The following CRISPLD2 variants were observed in gnomAD, a reference collection of about 807,000 sequenced individuals.
CRISPLD2 encodes cysteine-rich secretory protein LCCL domain-containing 2.
Under a neutral mutation model 71.1 loss-of-function variants are expected in CRISPLD2, and 47 were observed. The ratio of observed to expected loss-of-function variants is 0.66; its 90% confidence interval spans 0.52 to 0.84. The LOEUF (loss-of-function observed/expected upper bound fraction) is 0.84. CRISPLD2 is among the 40% of genes least tolerant of loss of function. The pLI, the probability that CRISPLD2 is intolerant of heterozygous loss-of-function variation, is 0.00. For synonymous variants in CRISPLD2, 317 were observed against 250.1 expected, an observed-to-expected ratio of 1.27 and a Z score of -2.52; for missense variants, 830 against 651.1, an observed-to-expected ratio of 1.27 and a Z score of -2.99.
At position 84,872,430 on chromosome 16, in the gene CRISPLD2, C is replaced by T. The variant is rs1023837138; in HGVS notation, c.915-12C>T. On this transcript the variant is annotated splice_polypyrimidine_tract_variant and intron_variant, in intron 8 of 14. Coordinates refer to ENST00000262424, the MANE Select transcript of CRISPLD2 (RefSeq NM_031476.4). The stretch of plus-strand genomic sequence containing the variant: ...CTTATCTCTGAACATCATTTTATTT[C>T]TTCCTCGTCAGGTACCAGTGCCCAG... 2 of 1,611,506 alleles carry T rather than the reference C, an allele frequency of 1.2e-6. No individual in the cohort carries two copies. The highest frequency in any genetic ancestry group is 1.7e-5 in the Admixed American group (1 of 59,924).
intron 14 of CRISPLD2, among the ~76,000 whole-genome samples, chr16:84,897,271 C>A (rs2071714585): frequency 6.7e-6 from 1 of 148,864 alleles, no homozygotes; most frequent in South Asian, 2.2e-4. Context: ...GGGTGTAATC[C>A]CATCTCTACT....
chr16:84,823,108 A>T (rs916005093), intron 1 of CRISPLD2, among the ~76,000 whole-genome samples: 3 of 152,134 alleles, frequency 2.0e-5, no homozygotes, highest in African/African-American at 7.2e-5. Context: ...GAACCACACA[A>T]TGTGTGGCCT....
At chr16:84,902,529 G>A (rs1216606568) in intron 14 of CRISPLD2, among the ~76,000 whole-genome samples, 1 of 151,516 alleles carries the variant, frequency 6.6e-6, no homozygotes, top group Non-Finnish European at 1.5e-5. Flanking sequence ...AGAATGGCAT[G>A]AACCCAGGAG....
chr16:84,840,772 C>T (rs942072970), intron 2 of CRISPLD2, among the ~76,000 whole-genome samples: 2 of 152,022 alleles, frequency 1.3e-5, no homozygotes, highest in African/African-American at 2.4e-5. Context: ...AAACTCCTGA[C>T]CTCAAGTGAT....
At chr16:84,889,177 G>A in intron 13 of CRISPLD2, 53 bp from the exon 14 acceptor site, 1 of 1,612,554 alleles carries the variant, frequency 6.2e-7, no homozygotes, top group Non-Finnish European at 8.5e-7. Context: ...CAGCTGGCTT[G>A]ACCCATGAGC....
intron 8 of CRISPLD2, among the ~76,000 whole-genome samples, chr16:84,871,870 GAAAAAAAAAAAAAAAA>G (rs56328159): frequency 3.3e-4 from 33 of 100,056 alleles, no homozygotes; most frequent in Admixed American, 4.2e-4. Context: ...TTTCAAATGA[GAAAAAAAAAAAAAAAA>G]AAAAAAAAAA....
chr16:84,906,500 G>C, intron 14 of CRISPLD2, 88 bp from the exon 15 acceptor site: 1 of 1,385,606 alleles, frequency 7.2e-7, no homozygotes, highest in South Asian at 1.2e-5. Flanking sequence ...GCAAGCAGGA[G>C]GCACCCAGGT....
At chr16:84,902,120 C>T (rs566473510) in intron 14 of CRISPLD2, among the ~76,000 whole-genome samples, 3 of 152,114 alleles carry the variant, frequency 2.0e-5, no homozygotes, top group Admixed American at 1.3e-4. Flanking sequence ...CTGTGAACAA[C>T]GCTTTGGGGT....
Position 84,891,315 on chromosome 16 carries a change from C to G in CRISPLD2, c.1439+1952C>G, listed in dbSNP as rs569794299. Among the ~76,000 whole-genome samples the G allele has an allele frequency of 2.6e-5, 4 of 152,330 alleles. No homozygotes were observed. The South Asian group carries it at 6.2e-4, about 24-fold the overall frequency. ...CGGCCCCTGCTTCCACTGCCAGCCT[C>G]CTGGGCACTTTGTGCAGCGGGCTTG... On this transcript the variant is annotated intron_variant, in intron 14 of 14. Coordinates refer to ENST00000262424, the MANE Select transcript of CRISPLD2 (RefSeq NM_031476.4).
intron 14 of CRISPLD2, among the ~76,000 whole-genome samples, chr16:84,899,998 A>G (rs1183582009): frequency 6.6e-6 from 1 of 152,214 alleles, no homozygotes; most frequent in East Asian, 1.9e-4. Context: ...GGGAAATCTT[A>G]CATCCCCCAA....
At chr16:84,869,950 C>G (rs745864781) in intron 8 of CRISPLD2, among the ~76,000 whole-genome samples, 5 of 152,190 alleles carry the variant, frequency 3.3e-5, no homozygotes, top group Non-Finnish European at 7.3e-5. Context: ...GGGGCACTCC[C>G]CATGCAGGGA....
At chr16:84,864,881 T>G (rs1490256884) in intron 6 of CRISPLD2, among the ~76,000 whole-genome samples, 1 of 152,204 alleles carries the variant, frequency 6.6e-6, no homozygotes, top group African/African-American at 2.4e-5. Flanking sequence ...GAGCTCAGAA[T>G]GGCTTCCCAC....
chr16:84,866,730 C>G, intron 6 of CRISPLD2, among the ~76,000 whole-genome samples, 167 bp from the exon 7 acceptor site: 1 of 152,190 alleles, frequency 6.6e-6, no homozygotes, highest in Non-Finnish European at 1.5e-5. Context: ...TAGAATTCCA[C>G]CTGGCCAGGT....
chr16:84,835,614 A>G (rs1386286356), intron 1 of CRISPLD2, among the ~76,000 whole-genome samples: 3 of 152,202 alleles, frequency 2.0e-5, no homozygotes, highest in South Asian at 2.1e-4. Context: ...TGTGGTGCAC[A>G]TGAGGGCACT....
intron 2 of CRISPLD2, among the ~76,000 whole-genome samples, chr16:84,840,654 GCAC>G (rs1172162137): frequency 2.0e-5 from 3 of 151,992 alleles, no homozygotes; most frequent in Non-Finnish European, 4.4e-5. Flanking sequence ...TTACAGGCTT[GCAC>G]CACCACGCCA....
Position 84,873,926 on chromosome 16 carries a change from C to G in CRISPLD2, c.1119C>G (p.Tyr373Ter), listed in dbSNP as rs771027402. The change falls in exon 11 of 15, where the codon TAC becomes TAG. Residue 373 changes from tyrosine to a stop codon, truncating the protein, a stop_gained. Coordinates refer to ENST00000262424, the MANE Select transcript of CRISPLD2 (RefSeq NM_031476.4). LOFTEE classifies it high-confidence loss of function. ...ERHGVQSLSK[Y>*]KPSSSFMVSK... ...TTTTTTTTTTTTTAAACAGCAAATA[C>G]AAACCTTCCAGCTCATTCATGGTGT... The G allele has an allele frequency of 1.2e-5, 16 of 1,284,920 alleles. No individual in the cohort carries two copies. The highest frequency in any genetic ancestry group is 1.6e-5 in the Non-Finnish European group (15 of 922,516). 79.6% of individuals were successfully genotyped at this position (1,284,920 alleles called of 1,614,324 possible). A position where few individuals can be genotyped will look rare whatever the true frequency, so the allele number is the denominator to read the frequency against.
intron 14 of CRISPLD2, among the ~76,000 whole-genome samples, chr16:84,905,725 T>G (rs1329838735): frequency 1.0e-5 from 1 of 95,600 alleles, no homozygotes; most frequent in African/African-American, 4.0e-5. Context: ...TTTTTTTTTT[T>G]GGAGACAAAG....
intron 14 of CRISPLD2, among the ~76,000 whole-genome samples, chr16:84,905,471 C>G (rs943132063): frequency 2.0e-5 from 3 of 152,024 alleles, no homozygotes; most frequent in African/African-American, 4.8e-5. Context: ...AGAATCTTGG[C>G]TCACTGCACA....
chr16:84,823,670 C>T (rs1006670616), intron 1 of CRISPLD2, among the ~76,000 whole-genome samples: 1 of 152,170 alleles, frequency 6.6e-6, no homozygotes, highest in African/African-American at 2.4e-5. Context: ...AAAGACCCCT[C>T]TTGCAAGGCT....
Sources: gnomAD v4.1 joint callset for allele counts (sites outside exome capture counted in the v4.1 genomes callset) on GRCh38, gnomAD v4.1.1 for gene constraint, MANE v1.5 for transcripts, NCBI Gene and HGNC (gene_info 2026-07-23, HGNC 2026-07-21) for gene names.